PIP4K2A: variants seen among roughly 807,000 people sequenced by gnomAD.
The protein encoded by PIP4K2A is phosphatidylinositol-5-phosphate 4-kinase type 2 alpha.
PIP4K2A carries 14 observed loss-of-function variants against 42.9 expected under a neutral mutation model. That is an observed-to-expected ratio of 0.33 (90% CI 0.22 to 0.51). PIP4K2A has a LOEUF of 0.51. Among genes scored for constraint, PIP4K2A ranks in the 20% least tolerant of loss-of-function variants. The probability of loss-of-function intolerance (pLI) is 0.97; values close to 1 mark genes in which losing one functional copy is unlikely to be tolerated. For synonymous variants in PIP4K2A, 192 were observed against 192.2 expected, an observed-to-expected ratio of 1.00 and a Z score of 0.01; for missense variants, 434 against 519.8, an observed-to-expected ratio of 0.83 and a Z score of 1.61.
intron 7 of PIP4K2A, 92 bp downstream of exon 7, chr10:22,550,567 G>T (rs1836382992): frequency 1.3e-6 from 1 of 780,104 alleles, no homozygotes; most frequent in Non-Finnish European, 2.3e-6. Flanking sequence ...TGCCTTGATT[G>T]AAGATTTAAA....
At chr10:22,634,745 C>T (rs1838625441) in intron 1 of PIP4K2A, among the ~76,000 whole-genome samples, 1 of 151,962 alleles carries the variant, frequency 6.6e-6, no homozygotes, top group Admixed American at 6.6e-5. Context: ...TATAGAGAAA[C>T]CATTTAGGAG....
intron 1 of PIP4K2A, among the ~76,000 whole-genome samples, chr10:22,681,611 G>A (rs1839662418): frequency 6.6e-6 from 1 of 152,106 alleles, no homozygotes; most frequent in Non-Finnish European, 1.5e-5. Flanking sequence ...GGGGGTAGAG[G>A]CTGCATTGAG....
intron 4 of PIP4K2A, among the ~76,000 whole-genome samples, chr10:22,581,317 C>T (rs1195845733): frequency 3.3e-5 from 4 of 121,200 alleles, no homozygotes; most frequent in African/African-American, 1.2e-4. Flanking sequence ...TGAATAGGTG[C>T]TGAAAATCTA....
At chr10:22,550,804 C>T (rs777861486) in intron 6 of PIP4K2A, 32 bp from the exon 7 acceptor site, 91 of 1,368,126 alleles carry the variant, frequency 6.7e-5, no homozygotes, top group East Asian at 1.6e-4. Flanking sequence ...ATGACAAAGG[C>T]GCTTGAAGAA....
At chr10:22,669,982 T>C (rs374458059) in intron 1 of PIP4K2A, among the ~76,000 whole-genome samples, 2 of 152,280 alleles carry the variant, frequency 1.3e-5, no homozygotes. Flanking sequence ...ATACATAAAT[T>C]AGAGCCCCAG....
chr10:22,617,711 G>A (rs1030543621), intron 1 of PIP4K2A, among the ~76,000 whole-genome samples: 2 of 152,166 alleles, frequency 1.3e-5, no homozygotes, highest in East Asian at 3.9e-4. Context: ...AAGGCTGGCG[G>A]AAGTGGCAGG....
At chr10:22,575,048 C>T (rs746235970) in intron 4 of PIP4K2A, among the ~76,000 whole-genome samples, 1 of 152,022 alleles carries the variant, frequency 6.6e-6, no homozygotes, top group African/African-American at 2.4e-5. Context: ...AGATCTTGGG[C>T]AAGTTACCAA....
chr10:22,553,666 A>C (rs2130765007), intron 6 of PIP4K2A, among the ~76,000 whole-genome samples: 1 of 152,252 alleles, frequency 6.6e-6, no homozygotes, highest in Non-Finnish European at 1.5e-5. Context: ...CTCAATCAGA[A>C]ACCATGTGAC....
chr10:22,632,415 A>G (rs1838568971), intron 1 of PIP4K2A, among the ~76,000 whole-genome samples: 2 of 152,256 alleles, frequency 1.3e-5, no homozygotes, highest in East Asian at 3.8e-4. Context: ...AAACATTAAA[A>G]TGGTATTTTT....
intron 1 of PIP4K2A, among the ~76,000 whole-genome samples, chr10:22,640,520 C>G (rs972107628): frequency 6.6e-6 from 1 of 152,166 alleles, no homozygotes; most frequent in Non-Finnish European, 1.5e-5. Flanking sequence ...ACCCACCGCC[C>G]CACAAAGGGC....
At chr10:22,603,590 AAT>A (rs1388952230) in intron 3 of PIP4K2A, among the ~76,000 whole-genome samples, 1 of 152,236 alleles carries the variant, frequency 6.6e-6, no homozygotes, top group East Asian at 1.9e-4. Flanking sequence ...TCTGGTATGC[AAT>A]AGTTTTTAAA....
intron 1 of PIP4K2A, among the ~76,000 whole-genome samples, chr10:22,641,436 T>C (rs1320133730): frequency 6.6e-6 from 1 of 151,278 alleles, no homozygotes; most frequent in Non-Finnish European, 1.5e-5. Context: ...TACCTGATCA[T>C]TTTTTTTTCT....
At chr10:22,571,741 G>A (rs572825849) in intron 5 of PIP4K2A, among the ~76,000 whole-genome samples, 8 of 152,268 alleles carry the variant, frequency 5.3e-5, no homozygotes, top group African/African-American at 1.9e-4. Context: ...ATCCAAAAAA[G>A]TTGTTAAAAC....
At chr10:22,542,955 C>T (rs1043470029) in intron 7 of PIP4K2A, among the ~76,000 whole-genome samples, 4 of 152,146 alleles carry the variant, frequency 2.6e-5, no homozygotes, top group East Asian at 1.9e-4. Flanking sequence ...GGAAGGTTCA[C>T]GGTCCTGGCT....
intron 6 of PIP4K2A, among the ~76,000 whole-genome samples, chr10:22,561,749 A>G (rs1285383294): frequency 6.6e-6 from 1 of 151,208 alleles, no homozygotes; most frequent in Non-Finnish European, 1.5e-5. Context: ...TTGTTTGTAG[A>G]GTTGGGGGTC....
intron 1 of PIP4K2A, among the ~76,000 whole-genome samples, chr10:22,695,612 A>G (rs1264588574): frequency 6.6e-6 from 1 of 152,176 alleles, no homozygotes; most frequent in Admixed American, 6.5e-5. Flanking sequence ...ACTGAATTCA[A>G]TATACAGTCT....
At chr10:22,664,437 T>A (rs527431264) in intron 1 of PIP4K2A, among the ~76,000 whole-genome samples, 22 of 151,272 alleles carry the variant, frequency 1.5e-4, no homozygotes, top group Admixed American at 1.4e-3. Flanking sequence ...ATGGTTTTTT[T>A]AATTCCATTT....
intron 4 of PIP4K2A, among the ~76,000 whole-genome samples, chr10:22,588,370 T>C (rs1837444351): frequency 6.6e-6 from 1 of 152,204 alleles, no homozygotes; most frequent in East Asian, 1.9e-4. Context: ...TGTCCCTGTG[T>C]CCGCTCTGTG....
chr10:22,616,710 A>T (rs1160117393), intron 1 of PIP4K2A, among the ~76,000 whole-genome samples: 1 of 152,230 alleles, frequency 6.6e-6, no homozygotes, highest in Admixed American at 6.5e-5. Context: ...AAAAAAAGTA[A>T]TTAAGTACAT....
Sources: gnomAD v4.1 joint callset for allele counts (sites outside exome capture counted in the v4.1 genomes callset) on GRCh38, gnomAD v4.1.1 for gene constraint, MANE v1.5 for transcripts, NCBI Gene and HGNC (gene_info 2026-07-23, HGNC 2026-07-21) for gene names.